Variants in CAMK4 observed in about 807,000 individuals in gnomAD.
CAMK4 encodes the protein calcium/calmodulin-dependent protein kinase type IV.
In CAMK4, 22 loss-of-function variants were observed where a neutral mutation model predicts 44.9. That is an observed-to-expected ratio of 0.49 (90% confidence interval 0.35 to 0.70). The LOEUF (loss-of-function observed/expected upper bound fraction) is 0.70. Among genes scored for constraint, CAMK4 ranks in the 30% least tolerant of loss-of-function variants. CAMK4 has a pLI of 0.01. For missense variants in CAMK4, 498 were observed against 586.8 expected, an observed-to-expected ratio of 0.85 and a Z score of 1.56; for synonymous variants, 218 against 215.4, an observed-to-expected ratio of 1.01 and a Z score of -0.11.
intron 5 of CAMK4, among the ~76,000 whole-genome samples, chr5:111,437,879 T>C (rs1753701288): frequency 1.3e-5 from 2 of 152,086 alleles, no homozygotes; most frequent in Admixed American, 6.6e-5. Flanking sequence ...TTGAAGACTT[T>C]CACAAGGAGA....
rs113963864 is a variant in CAMK4 at position 111,370,914 on chromosome 5, AAAAAAC to A, written c.241-3921_241-3916del. Among the ~76,000 whole-genome samples, 500 of 150,854 alleles carry A rather than the reference AAAAAAC, an allele frequency of 3.3e-3. 3 individuals are homozygous for A. The highest frequency in any genetic ancestry group is 0.012 in the African/African-American group (486 of 41,098). On this transcript the variant is annotated intron_variant, in intron 2 of 10. Coordinates refer to ENST00000282356, the MANE Select transcript of CAMK4 (RefSeq NM_001744.6). ...TGGTGACAAAGCGAGACTCCATCTC[AAAAAAC>A]AAAAACAAAAACAACGTGTATCCTT... is the stretch of plus-strand genomic sequence containing the variant.
At chr5:111,275,060 T>C (rs1258595476) in intron 1 of CAMK4, among the ~76,000 whole-genome samples, 2 of 152,164 alleles carry the variant, frequency 1.3e-5, no homozygotes, top group Non-Finnish European at 2.9e-5. Flanking sequence ...TTATGATACA[T>C]GTATACATTG....
intron 5 of CAMK4, among the ~76,000 whole-genome samples, chr5:111,419,161 T>A (rs898025203): frequency 6.6e-6 from 1 of 152,226 alleles, no homozygotes; most frequent in African/African-American, 2.4e-5. Context: ...GGTATCTCAT[T>A]GTGGTTTTGA....
chr5:111,352,984 A>T (rs1164375551), intron 2 of CAMK4, among the ~76,000 whole-genome samples: 1 of 152,062 alleles, frequency 6.6e-6, no homozygotes, highest in African/African-American at 2.4e-5. Context: ...TGCAAAATTG[A>T]CACAGACTTT....
chr5:111,363,948 T>C (rs1346547172), intron 2 of CAMK4, among the ~76,000 whole-genome samples: 1 of 152,112 alleles, frequency 6.6e-6, no homozygotes, highest in Admixed American at 6.6e-5. Flanking sequence ...GGACTGAATA[T>C]AAAGGGTAAG....
chr5:111,275,383 T>G (rs905550912), intron 1 of CAMK4, among the ~76,000 whole-genome samples: 2 of 152,100 alleles, frequency 1.3e-5, no homozygotes, highest in Non-Finnish European at 2.9e-5. Context: ...AAATTCTAAA[T>G]TGTTACTGGA....
chr5:111,408,923 G>C (rs1752533202), intron 5 of CAMK4, among the ~76,000 whole-genome samples: 1 of 152,196 alleles, frequency 6.6e-6, no homozygotes, highest in African/African-American at 2.4e-5. Context: ...AGATCATGCT[G>C]ATGCAAGCAG....
intron 5 of CAMK4, among the ~76,000 whole-genome samples, chr5:111,438,509 A>C (rs993307222): frequency 6.6e-6 from 1 of 152,216 alleles, no homozygotes; most frequent in Non-Finnish European, 1.5e-5. Flanking sequence ...TTATTGTAAA[A>C]AATTATCCAA....
intron 1 of CAMK4, among the ~76,000 whole-genome samples, chr5:111,250,473 T>A (rs1195495301): frequency 1.3e-5 from 2 of 152,202 alleles, no homozygotes; most frequent in Non-Finnish European, 2.9e-5. Flanking sequence ...AACATGTATT[T>A]TGCTACCCAT....
intron 4 of CAMK4, among the ~76,000 whole-genome samples, chr5:111,384,512 G>T (rs1317756866): frequency 6.6e-6 from 1 of 152,186 alleles, no homozygotes; most frequent in Non-Finnish European, 1.5e-5. Context: ...ATTTTCAGCA[G>T]TCTACTAGGC....
chr5:111,389,418 G>C (rs1012826880), intron 4 of CAMK4, among the ~76,000 whole-genome samples: 1 of 152,166 alleles, frequency 6.6e-6, no homozygotes, highest in South Asian at 2.1e-4. Context: ...AAGATATTTA[G>C]GCTGAAGCTT....
chr5:111,315,222 T>C (rs79909414), intron 1 of CAMK4, among the ~76,000 whole-genome samples: 1 of 152,268 alleles, frequency 6.6e-6, no homozygotes, highest in East Asian at 1.9e-4. Flanking sequence ...GGAAAAGTCA[T>C]TGCTTGCACA....
intron 5 of CAMK4, among the ~76,000 whole-genome samples, chr5:111,441,956 A>G (rs1204108645): frequency 6.6e-6 from 1 of 152,110 alleles, no homozygotes; most frequent in Non-Finnish European, 1.5e-5. Context: ...CCTCGTCTCT[A>G]TGTACGGTGA....
At chr5:111,294,469 T>G (rs754109098) in intron 1 of CAMK4, among the ~76,000 whole-genome samples, 2 of 152,192 alleles carry the variant, frequency 1.3e-5, no homozygotes, top group Non-Finnish European at 2.9e-5. Flanking sequence ...TTTTGAGATA[T>G]TAGAAGAAAC....
chr5:111,436,478 A>T (rs547003295), intron 5 of CAMK4, among the ~76,000 whole-genome samples: 5 of 152,226 alleles, frequency 3.3e-5, no homozygotes, highest in Non-Finnish European at 5.9e-5. Context: ...CTTTTCCCCT[A>T]TGACATTGCC....
At chr5:111,430,383 T>G (rs531723369) in intron 5 of CAMK4, among the ~76,000 whole-genome samples, 7 of 152,188 alleles carry the variant, frequency 4.6e-5, no homozygotes, top group South Asian at 2.1e-4. Context: ...ACTGACAGCC[T>G]TTTCTCTAAG....
At chr5:111,439,468 T>C (rs1342345387) in intron 5 of CAMK4, among the ~76,000 whole-genome samples, 1 of 152,004 alleles carries the variant, frequency 6.6e-6, no homozygotes, top group African/African-American at 2.4e-5. Flanking sequence ...ATAAAGGAGA[T>C]GAAGGAATAG....
At chr5:111,250,922 T>C (rs923314747) in intron 1 of CAMK4, among the ~76,000 whole-genome samples, 5 of 152,232 alleles carry the variant, frequency 3.3e-5, no homozygotes, top group Admixed American at 3.3e-4. Flanking sequence ...TCCCAAAGCA[T>C]TGGGATTACA....
intron 1 of CAMK4, among the ~76,000 whole-genome samples, chr5:111,295,048 C>G (rs2112633463): frequency 6.6e-6 from 1 of 152,226 alleles, no homozygotes; most frequent in Admixed American, 6.5e-5. Context: ...AAAAGTCTTA[C>G]AGATTTAAAT....
Sources: gnomAD v4.1 joint callset for allele counts (sites outside exome capture counted in the v4.1 genomes callset) on GRCh38, gnomAD v4.1.1 for gene constraint, MANE v1.5 for transcripts, NCBI Gene and HGNC (gene_info 2026-07-23, HGNC 2026-07-21) for gene names.